The following RPS6KA4 variants were observed in gnomAD, a reference collection of about 807,000 sequenced individuals.
RPS6KA4 encodes ribosomal protein S6 kinase A4.
Under a neutral mutation model 89.6 loss-of-function variants are expected in RPS6KA4, and 38 were observed. That is an observed-to-expected ratio of 0.42 (90% CI 0.33 to 0.56). The LOEUF is 0.56. RPS6KA4 is among the 20% of genes least tolerant of loss of function. The pLI is 0.07. For missense variants in RPS6KA4, 873 were observed against 1,098.8 expected (o/e 0.79, Z 2.90); for synonymous variants, 495 against 492.8 (o/e 1.00, Z -0.06).
chr11:64,371,540 CCCGG>C lies in RPS6KA4; in HGVS notation c.*61_*64del, dbSNP rs2037078149. Reference sequence around the variant, plus strand: ...CTGTGACCTGGGAGCCCGGCTCACTCCCGGAGGCCTCTGCCTGCGGCTGACCTGA... The same window carrying C: ...CTGTGACCTGGGAGCCCGGCTCACTCAGGCCTCTGCCTGCGGCTGACCTGA... On this transcript the variant is annotated 3_prime_UTR_variant, in exon 17 of 17. Transcript: ENST00000334205. 1 of 694,340 alleles carries C rather than the reference CCCGG, an allele frequency of 1.4e-6. No individual in the cohort carries two copies. The highest frequency in any genetic ancestry group is 1.8e-5 in the African/African-American group (1 of 56,096). The allele number at this position is 694,340 out of a possible 1,614,324, so 43.0% of individuals were successfully genotyped here. A position where few individuals can be genotyped will look rare whatever the true frequency, so the allele number is the denominator to read the frequency against.
Position 64,362,111 on chromosome 11 carries a change from G to A in RPS6KA4, c.906+109G>A. 6.0e-6 allele frequency: 8 copies of A among 1,328,060 alleles called. No individual in the cohort carries two copies. The South Asian group carries it at 1.1e-4, about 18-fold the overall frequency. The allele number at this position is 1,328,060 out of a possible 1,614,324, so 82.3% of individuals were successfully genotyped here. A position where few individuals can be genotyped will look rare whatever the true frequency, so the allele number is the denominator to read the frequency against. On this transcript the variant is annotated intron_variant, in intron 8 of 16. Coordinates refer to ENST00000334205, the MANE Select transcript of RPS6KA4 (RefSeq NM_003942.3). ...TTCACTTTATTTGGAAATCCCCCCA[G>A]AGAAAGAAAGCAAGTGTGTGTCAGC...
chr11:64,365,515 G>A (rs967929602), intron 9 of RPS6KA4, 50 bp downstream of exon 9: 15 of 1,602,620 alleles, frequency 9.4e-6, no homozygotes, highest in Non-Finnish European at 1.2e-5. Flanking sequence ...AGATGTTGCT[G>A]TCTGCCTCAG....
In RPS6KA4 at chr11:64,370,876, C is replaced by A. The variant is rs1394748676; in HGVS notation, c.2121+150C>A. On this transcript the variant is annotated intron_variant, in intron 16 of 16. Transcript: ENST00000334205. The surrounding 1 kb of genome is among the most constrained non-coding windows in gnomAD (Gnocchi z 4.1). ...ATCCCAGCGCTTTGGGAGGCCGAGG[C>A]GGGCGGATCACGAGGTCAGGGGTTC... 2 of 1,014,258 alleles carry A rather than the reference C, an allele frequency of 2.0e-6. No homozygotes were observed. Among genetic ancestry groups the A allele is most frequent in the Admixed American group, 3.0e-5 (1 of 33,240 alleles). 62.8% of individuals were successfully genotyped at this position (1,014,258 alleles called of 1,614,324 possible).
Position 64,360,303 on chromosome 11 carries a change from G to C in RPS6KA4, c.268G>C (p.Glu90Gln). ...EHTRTERSVLELVRQAPFLVT... is the reference protein window; with the variant it reads ...EHTRTERSVLQLVRQAPFLVT... ...CACGCGCACCGAGCGCTCGGTGCTG[G>C]AGCTGGTGCGCCAGGCGCCCTTCCT... Residue 90 changes from glutamate to glutamine, a missense_variant, in exon 3 of 17, where the codon GAG becomes CAG. Coordinates refer to ENST00000334205, the MANE Select transcript of RPS6KA4 (RefSeq NM_003942.3). 1 of 1,548,296 alleles carries C rather than the reference G, an allele frequency of 6.5e-7. No homozygotes were observed. Among genetic ancestry groups the C allele is most frequent in the Non-Finnish European group, 8.7e-7 (1 of 1,146,342 alleles).
chr11:64,369,454 G>A lies in RPS6KA4; in HGVS notation c.1437G>A (p.Thr479=), dbSNP rs763768746. The A allele has an allele frequency of 1.4e-5, 23 of 1,604,434 alleles. No individual in the cohort carries two copies. Among genetic ancestry groups the A allele is most frequent in the Middle Eastern group, 1.8e-4 (1 of 5,656 alleles). The change falls in exon 13 of 17, where the codon ACG becomes ACA. Residue 479 remains threonine (T), a synonymous_variant. Coordinates refer to ENST00000334205, the MANE Select transcript of RPS6KA4 (RefSeq NM_003942.3). ...LHEVHHDQLH[T]YLVLELLRGG... ...CGCCACGCCGCCCGCAGCTGCACAC[G>A]TACCTGGTCCTGGAGCTGCTGCGGG...
chr11:64,365,062 C>A (rs912011766), intron 8 of RPS6KA4, among the ~76,000 whole-genome samples: 1 of 152,018 alleles, frequency 6.6e-6, no homozygotes, highest in African/African-American at 2.4e-5. Flanking sequence ...CTTTTCACAC[C>A]AATTCTATTA....
chr11:64,359,227 C>T lies in RPS6KA4; in HGVS notation c.-9C>T, dbSNP rs1444878383. On this transcript the variant is annotated 5_prime_UTR_variant, in exon 1 of 17. Transcript: ENST00000334205. ...CCCGAGCCGCGCGGGCCCCAGCGACCCGCCCGCCATGGGGGACGAGGACGA... is the reference window on the plus strand; with the variant it reads ...CCCGAGCCGCGCGGGCCCCAGCGACTCGCCCGCCATGGGGGACGAGGACGA... 7.4e-7 allele frequency: 1 copy of T among 1,352,412 alleles called. No homozygotes were observed. 83.8% of individuals were successfully genotyped at this position (1,352,412 alleles called of 1,614,324 possible). A position where few individuals can be genotyped will look rare whatever the true frequency, so the allele number is the denominator to read the frequency against.
rs1451318965 is a variant in RPS6KA4, at chr11:64,368,492, G to A, written c.1225G>A (p.Glu409Lys). 4 of 1,558,072 alleles carry A rather than the reference G, an allele frequency of 2.6e-6. No individual in the cohort carries two copies. The highest frequency in any genetic ancestry group is 1.9e-5 in the Admixed American group (1 of 51,296). The change falls in exon 11 of 17, where the codon GAG becomes AAG. Residue 409 changes from glutamate to lysine, a missense_variant. By Grantham distance (56) the Glu-to-Lys change is moderately conservative. Transcript: ENST00000334205. ...MQDSPFFQQY[E>K]LDLREPALGQ... is the part of the protein sequence containing the mutation. ...GGACTCGCCCTTCTTCCAGCAGTAC[G>A]AGCTGGACCTGCGGGAGCCTGCGCT...
chr11:64,360,898 A>T (rs1032145274), intron 4 of RPS6KA4: 1 of 565,654 alleles, frequency 1.8e-6, no homozygotes, highest in Admixed American at 3.2e-5. Context: ...CTTGAAATGG[A>T]GCTCTTCACA....
rs368437334 is a variant in RPS6KA4, at chr11:64,359,365, C to T, written c.56-13C>T. ...ATGGACCGGCTGGGCTCATTCGCCC[C>T]CTGTGCCCACAGCCAACCTGACCGG... On this transcript the variant is annotated splice_polypyrimidine_tract_variant and intron_variant, in intron 1 of 16. Coordinates refer to ENST00000334205, the MANE Select transcript of RPS6KA4 (RefSeq NM_003942.3). 1.2e-6 allele frequency: 2 copies of T among 1,612,694 alleles called. No homozygotes were observed. The highest frequency in any genetic ancestry group is 1.7e-6 in the Non-Finnish European group (2 of 1,179,654).
chr11:64,369,300 C>CTAAG, intron 12 of RPS6KA4, 146 bp from the exon 13 acceptor site: 2 of 748,684 alleles, frequency 2.7e-6, no homozygotes, highest in Non-Finnish European at 4.0e-6. Flanking sequence ...AAAAAAGTAA[C>CTAAG]AAAGAAAGAA....
intron 9 of RPS6KA4, among the ~76,000 whole-genome samples, chr11:64,366,149 G>A (rs1286251210): frequency 6.6e-6 from 1 of 151,046 alleles, no homozygotes; most frequent in Non-Finnish European, 1.5e-5. Flanking sequence ...ACTCCTGGAG[G>A]GTCAGGTCCC....
chr11:64,371,036 G>A (rs1012928846), intron 16 of RPS6KA4, among the ~76,000 whole-genome samples: 22 of 151,042 alleles, frequency 1.5e-4, no homozygotes, highest in African/African-American at 4.6e-4. Flanking sequence ...CCCAGGAGGC[G>A]GAGGTTGCAG....
In RPS6KA4 at chr11:64,371,345, C is replaced by T; in HGVS notation, c.2184C>T (p.Ala728=). ...AGAGCGTGGAGAATGCACCCCTGGC[C>T]AAGCGGCGGAAGCAGAAGCTGCGGA... ...FLKSVENAPL[A]KRRKQKLRSA... Residue 728 remains alanine (A), a synonymous_variant, in exon 17 of 17, where the codon GCC becomes GCT. Coordinates refer to ENST00000334205, the MANE Select transcript of RPS6KA4 (RefSeq NM_003942.3). 1.2e-6 allele frequency: 2 copies of T among 1,612,886 alleles called. No individual in the cohort carries two copies. The highest frequency in any genetic ancestry group is 2.2e-5 in the South Asian group (2 of 91,082).
In RPS6KA4 at chr11:64,370,414, T is replaced by A; in HGVS notation, c.1957+30T>A. 2 of 1,606,888 alleles carry A rather than the reference T, an allele frequency of 1.2e-6. No individual in the cohort carries two copies. The highest frequency in any genetic ancestry group is 1.7e-6 in the Non-Finnish European group (2 of 1,177,758). ...GGAGCTGGAGGTCATAGACCATGGT[T>A]GGGGAGGGGGACGCTGGGACAGGGA... On this transcript the variant is annotated intron_variant, in intron 15 of 16. Transcript: ENST00000334205. This position sits in a 1 kb window ranked among gnomAD's most constrained non-coding sequence, Gnocchi z 4.1.
intron 13 of RPS6KA4, 34 bp from the exon 14 acceptor site, chr11:64,369,665 G>A (rs1242644601): frequency 1.2e-6 from 2 of 1,600,740 alleles, no homozygotes; most frequent in East Asian, 2.2e-5. Context: ...GGCGCCGGGG[G>A]CTGCCTCTGA....
At chr11:64,362,130 T>C in intron 8 of RPS6KA4, 128 bp downstream of exon 8, 1 of 1,158,066 alleles carries the variant, frequency 8.6e-7, no homozygotes, top group Non-Finnish European at 1.2e-6. Context: ...AGCAAGTGTG[T>C]GTCAGCTAGG....
At position 64,360,197 on chromosome 11, in the gene RPS6KA4, C is replaced by T. The variant is rs545875223; in HGVS notation, c.162C>T (p.Gly54=). 1.4e-5 allele frequency: 21 copies of T among 1,547,858 alleles called. No individual in the cohort carries two copies. The highest frequency in any genetic ancestry group is 7.2e-5 in the South Asian group (6 of 83,900). The change falls in exon 3 of 17, where the codon GGC becomes GGT. Residue 54 remains glycine, a synonymous_variant. Transcript: ENST00000334205. Reference sequence around the variant, plus strand: ...AGGTGTTCCTGGTGCGGAAGGCGGGCGGGCACGACGCGGGGAAGCTGTACG... The same window carrying T: ...AGGTGTTCCTGGTGCGGAAGGCGGGTGGGCACGACGCGGGGAAGCTGTACG... The part of the protein sequence containing the change: ...YGKVFLVRKA[G]GHDAGKLYAM...
chr11:64,370,321 C>T lies in RPS6KA4; in HGVS notation c.1894C>T (p.Arg632Cys), dbSNP rs774087398. 1.9e-6 allele frequency: 3 copies of T among 1,597,230 alleles called. No homozygotes were observed. Among genetic ancestry groups the T allele is most frequent in the South Asian group, 1.1e-5 (1 of 88,752 alleles). ...AEIMCKIREG[R>C]FSLDGEAWQG... The stretch of plus-strand genomic sequence containing the variant: ...GATCATGTGCAAAATCCGCGAGGGG[C>T]GCTTCTCCCTTGACGGGGAGGCCTG... The change falls in exon 15 of 17, where the codon CGC becomes TGC. Residue 632 changes from arginine to cysteine, a missense_variant. This residue lies in a region of RPS6KA4 where 278 missense variants were observed against 284.8 expected (regional missense o/e 0.98). Transcript: ENST00000334205. The surrounding 1 kb of genome is among the most constrained non-coding windows in gnomAD (Gnocchi z 4.1).
Sources: gnomAD v4.1 joint callset for allele counts (sites outside exome capture counted in the v4.1 genomes callset) on GRCh38, gnomAD v4.1.1 for gene constraint, gnomAD v4.1.1 regional missense constraint, Gnocchi (gnomAD v3.1) non-coding constraint, MANE v1.5 for transcripts, NCBI Gene and HGNC (gene_info 2026-07-23, HGNC 2026-07-21) for gene names.